AGAP1: variants seen among roughly 807,000 people sequenced by gnomAD.
AGAP1 encodes ArfGAP with GTPase domain, ankyrin repeat and PH domain 1.
A neutral mutation model predicts 105.3 loss-of-function variants in AGAP1; 29 were observed. The observed-to-expected ratio is 0.28, with a 90% CI of 0.21 to 0.38. AGAP1 has a LOEUF of 0.38. Among genes scored for constraint, AGAP1 ranks in the 10% least tolerant of loss-of-function variants. The probability of loss-of-function intolerance (pLI) is 1.00; values close to 1 mark genes in which losing one functional copy is unlikely to be tolerated. For synonymous variants in AGAP1, 509 were observed against 485.9 expected, an observed-to-expected ratio of 1.05 and a Z score of -0.63; for missense variants, 998 against 1,165.1, an observed-to-expected ratio of 0.86 and a Z score of 2.09.
At chr2:235,526,309 G>T (rs1306872094) in intron 1 of AGAP1, among the ~76,000 whole-genome samples, 1 of 152,242 alleles carries the variant, frequency 6.6e-6, no homozygotes, top group Non-Finnish European at 1.5e-5. Flanking sequence ...GGCATATCTA[G>T]GTTCTCTTGA....
chr2:235,670,165 GC>G (rs1176380104), intron 1 of AGAP1: 10 of 582,722 alleles, frequency 1.7e-5, no homozygotes, highest in Admixed American at 2.6e-5. Flanking sequence ...CGCGCGGGAC[GC>G]CCCCCAGAAA....
At position 235,901,065 on chromosome 2, in the gene AGAP1, A is replaced by G. The variant is rs1045356505; in HGVS notation, c.1156-7673A>G. Among the ~76,000 whole-genome samples, 3 of 152,194 alleles carry G rather than the reference A, an allele frequency of 2.0e-5. No individual in the cohort carries two copies. The highest frequency in any genetic ancestry group is 2.1e-4 in the South Asian group (1 of 4,826). ...CCAGAAGATTTTTCATAGTTTTACAATATTTTCACAGTATTTTTAGGAGCA... is the reference window on the plus strand; with the variant it reads ...CCAGAAGATTTTTCATAGTTTTACAGTATTTTCACAGTATTTTTAGGAGCA... On this transcript the variant is annotated intron_variant, in intron 10 of 17. Transcript: ENST00000304032. This position sits in a 1 kb window ranked among gnomAD's most constrained non-coding sequence, Gnocchi z 4.3.
chr2:235,759,378 C>A (rs1220977735), intron 6 of AGAP1, among the ~76,000 whole-genome samples: 1 of 150,668 alleles, frequency 6.6e-6, no homozygotes, highest in African/African-American at 2.4e-5. Flanking sequence ...ACCGTGTTAG[C>A]CAGGATGGTC....
rs2049696288 is a variant in AGAP1, at chr2:235,875,765, C to A, written c.1051-7580C>A. 6.6e-6 allele frequency among the ~76,000 whole-genome samples: 1 copy of A among 152,032 alleles called. No individual in the cohort carries two copies. Among genetic ancestry groups the A allele is most frequent in the Non-Finnish European group, 1.5e-5 (1 of 68,014 alleles). On this transcript the variant is annotated intron_variant, in intron 9 of 17. Transcript: ENST00000304032. This position sits in a 1 kb window ranked among gnomAD's most constrained non-coding sequence, Gnocchi z 4.0. The stretch of plus-strand genomic sequence containing the variant: ...ACAGATACCTACACTTCCCACTGCC[C>A]GACAGTACGTGCAGTGATTTTGATG...
At chr2:235,910,872 A>G (rs899644009) in intron 11 of AGAP1, among the ~76,000 whole-genome samples, 5 of 149,664 alleles carry the variant, frequency 3.3e-5, no homozygotes, top group African/African-American at 9.9e-5. Context: ...CCGAGATCGC[A>G]CCACTGCACT....
intron 16 of AGAP1, among the ~76,000 whole-genome samples, chr2:236,052,085 G>C (rs544438056): frequency 9.9e-5 from 15 of 152,114 alleles, no homozygotes; most frequent in Non-Finnish European, 1.8e-4. Context: ...ACGATTGTTA[G>C]TAGAAACAGC....
rs574563264 is a variant in AGAP1, at chr2:236,082,562, T to G, written c.2114+33281T>G. On this transcript the variant is annotated intron_variant, in intron 16 of 17. Coordinates refer to ENST00000304032, the MANE Select transcript of AGAP1 (RefSeq NM_001037131.3). This position sits in a 1 kb window ranked among gnomAD's most constrained non-coding sequence, Gnocchi z 4.2. ...CAGCTCACCTGCAGTGGTGATTGGT[T>G]TACAAAATTCACCTAGTTAAAGAAA... Among the ~76,000 whole-genome samples, 50 of 152,306 alleles carry G rather than the reference T, an allele frequency of 3.3e-4. No homozygotes were observed. Among genetic ancestry groups the G allele is most frequent in the Non-Finnish European group, 6.6e-4 (45 of 68,028 alleles).
At chr2:235,495,485 C>T (rs1190616249) in intron 1 of AGAP1, among the ~76,000 whole-genome samples, 1 of 152,218 alleles carries the variant, frequency 6.6e-6, no homozygotes, top group African/African-American at 2.4e-5. Context: ...AAGAACCCTA[C>T]CAGGAGGGCA....
intron 9 of AGAP1, among the ~76,000 whole-genome samples, chr2:235,853,904 G>GT (rs1431297574): frequency 5.9e-5 from 9 of 151,870 alleles, no homozygotes; most frequent in African/African-American, 2.2e-4. Context: ...GTCATTCATT[G>GT]CAGACTTGTT....
At chr2:236,088,936 A>C (rs1364305515) in intron 16 of AGAP1, among the ~76,000 whole-genome samples, 2 of 152,236 alleles carry the variant, frequency 1.3e-5, no homozygotes, top group East Asian at 3.8e-4. Flanking sequence ...GGTGATCGTC[A>C]TAAAGACACA....
Position 235,557,376 on chromosome 2 carries a change from G to A in AGAP1, c.163+62527G>A, listed in dbSNP as rs1201841708. On this transcript the variant is annotated intron_variant, in intron 1 of 17. Transcript: ENST00000304032. This position sits in a 1 kb window ranked among gnomAD's most constrained non-coding sequence, Gnocchi z 4.7. ...GACTGGAAAGGCTTGTCCATGTATC[G>A]CCGTTGGGAAGGGAAATCACTCCGA... Among the ~76,000 whole-genome samples, 6 of 152,086 alleles carry A rather than the reference G, an allele frequency of 3.9e-5. 1 individual carries two copies. The highest frequency in any genetic ancestry group is 4.1e-4 in the South Asian group (2 of 4,824).
chr2:235,807,604 G>A lies in AGAP1; in HGVS notation c.1050+273G>A, dbSNP rs560110180. Among the ~76,000 whole-genome samples, 31 of 152,334 alleles carry A rather than the reference G, an allele frequency of 2.0e-4. No homozygotes were observed. In the South Asian group the frequency reaches 6.2e-3, roughly 31 times the overall value. On this transcript the variant is annotated intron_variant, in intron 9 of 17. Coordinates refer to ENST00000304032, the MANE Select transcript of AGAP1 (RefSeq NM_001037131.3). ...TCCAGGCTGAGAGCTTTCAAAGGCT[G>A]CCTTTGTAGCACGGCTTTGATTGGG... is the stretch of plus-strand genomic sequence containing the variant.
At chr2:235,835,162 G>A (rs919001891) in intron 9 of AGAP1, among the ~76,000 whole-genome samples, 17 of 152,168 alleles carry the variant, frequency 1.1e-4, no homozygotes, top group Admixed American at 2.0e-4. Flanking sequence ...CGTTTCCCAC[G>A]CTGAGCTCAG....
intron 1 of AGAP1, among the ~76,000 whole-genome samples, chr2:235,595,146 C>CA (rs914448273): frequency 6.6e-6 from 1 of 152,090 alleles, no homozygotes; most frequent in Non-Finnish European, 1.5e-5. Flanking sequence ...AGCCTTGACT[C>CA]AGACGGCTTG....
intron 1 of AGAP1, among the ~76,000 whole-genome samples, chr2:235,636,583 A>G (rs1947009705): frequency 6.6e-6 from 1 of 152,064 alleles, no homozygotes; most frequent in Non-Finnish European, 1.5e-5. Context: ...TCCCCTAGGC[A>G]TCCCTCACTT....
Position 235,936,298 on chromosome 2 carries a change from A to G in AGAP1, c.1483+5375A>G, listed in dbSNP as rs4663634. ...CTTCCACATGGAAGGAGTGTATCACATGTGTGTGTGTACGGGTGTATGCTC... is the reference window on the plus strand; with the variant it reads ...CTTCCACATGGAAGGAGTGTATCACGTGTGTGTGTGTACGGGTGTATGCTC... On this transcript the variant is annotated intron_variant, in intron 12 of 17. Coordinates refer to ENST00000304032, the MANE Select transcript of AGAP1 (RefSeq NM_001037131.3). The surrounding 1 kb of genome is among the most constrained non-coding windows in gnomAD (Gnocchi z 4.7). 0.64 allele frequency among the ~76,000 whole-genome samples: 97,924 copies of G among 152,014 alleles called. 33,308 individuals are homozygous for G. Among genetic ancestry groups the G allele is most frequent in the African/African-American group, 0.88 (36,485 of 41,502 alleles).
In AGAP1 at chr2:235,642,797, C is replaced by T. The variant is rs1947242319; in HGVS notation, c.164-66382C>T. ...GGGGAAAATAGAGAAGTAGTTATCT[C>T]ATTGTCTTGGAATAAAATTATTTTG... On this transcript the variant is annotated intron_variant, in intron 1 of 17. Transcript: ENST00000304032. This position sits in a 1 kb window ranked among gnomAD's most constrained non-coding sequence, Gnocchi z 4.1. Among the ~76,000 whole-genome samples, 1 of 152,222 alleles carries T rather than the reference C, an allele frequency of 6.6e-6. No homozygotes were observed. Among genetic ancestry groups the T allele is most frequent in the Non-Finnish European group, 1.5e-5 (1 of 68,038 alleles).
intron 1 of AGAP1, among the ~76,000 whole-genome samples, chr2:235,572,607 CTCTGCACCTGGGCT>C (rs1042220438): frequency 6.6e-6 from 1 of 152,210 alleles, no homozygotes; most frequent in African/African-American, 2.4e-5. Context: ...CTGCCCACTT[CTCTGCACCTGGGCT>C]TCTGCCCCAG....
At chr2:235,745,968 A>ATTC (rs1459644155) in intron 5 of AGAP1, among the ~76,000 whole-genome samples, 24 of 152,320 alleles carry the variant, frequency 1.6e-4, no homozygotes, top group Admixed American at 5.2e-4. Context: ...TGTACTAAAA[A>ATTC]TAGAAAAATT....
Sources: allele counts gnomAD v4.1 joint callset (sites outside exome capture counted in the v4.1 genomes callset), GRCh38; gene constraint gnomAD v4.1.1; non-coding constraint Gnocchi (gnomAD v3.1); transcripts MANE v1.5; gene names NCBI Gene and HGNC (gene_info 2026-07-23, HGNC 2026-07-21).